ELMO1: variants seen among roughly 807,000 people sequenced by gnomAD.
The protein encoded by ELMO1 is engulfment and cell motility protein 1.
A neutral mutation model predicts 98.9 loss-of-function variants in ELMO1; 26 were observed. The ratio of observed to expected loss-of-function variants is 0.26; its 90% CI spans 0.19 to 0.36. The LOEUF (loss-of-function observed/expected upper bound fraction) is 0.36. ELMO1 is among the 10% of genes least tolerant of loss of function. The pLI, the probability that ELMO1 is intolerant of heterozygous loss-of-function variation, is 1.00. For missense variants in ELMO1, 627 were observed against 935.2 expected (o/e 0.67, Z 4.30); for synonymous variants, 346 against 346.0 (o/e 1.00, Z 0.00).
intron 16 of ELMO1, among the ~76,000 whole-genome samples, chr7:36,926,629 T>C (rs907241744): frequency 1.3e-5 from 2 of 152,094 alleles, no homozygotes; most frequent in Non-Finnish European, 2.9e-5. Context: ...AGGAAGAGGA[T>C]AGAAAGAAAA....
chr7:37,383,958 A>G (rs575208608), intron 1 of ELMO1, among the ~76,000 whole-genome samples: 13 of 152,032 alleles, frequency 8.6e-5, no homozygotes, highest in East Asian at 5.8e-4. Flanking sequence ...TGGGACTACA[A>G]GCGCCCGCCA....
intron 1 of ELMO1, among the ~76,000 whole-genome samples, chr7:37,358,022 G>A (rs1474019592): frequency 6.6e-6 from 1 of 152,190 alleles, no homozygotes; most frequent in Non-Finnish European, 1.5e-5. Flanking sequence ...TCCTAGGGTT[G>A]CTGATCTGCT....
chr7:37,377,536 CAGAGCAGGTCA>C (rs1802403261), intron 1 of ELMO1, among the ~76,000 whole-genome samples: 1 of 152,080 alleles, frequency 6.6e-6, no homozygotes. Context: ...CTCTGGTAGA[CAGAGCAGGTCA>C]CTGGGGAGAA....
intron 16 of ELMO1, among the ~76,000 whole-genome samples, chr7:36,938,682 G>A (rs1407204545): frequency 6.6e-6 from 1 of 152,172 alleles, no homozygotes; most frequent in Non-Finnish European, 1.5e-5. Context: ...GCCAACTCCT[G>A]ATGCATGAGC....
chr7:37,290,729 T>G (rs992004156), intron 4 of ELMO1, among the ~76,000 whole-genome samples: 1 of 152,220 alleles, frequency 6.6e-6, no homozygotes, highest in African/African-American at 2.4e-5. Context: ...TCTTAGAGAA[T>G]GCAAATTTTT....
chr7:37,395,476 C>A (rs1195819982), intron 1 of ELMO1, among the ~76,000 whole-genome samples: 1 of 151,972 alleles, frequency 6.6e-6, no homozygotes, highest in African/African-American at 2.4e-5. Flanking sequence ...ATTGGGGCAG[C>A]CCATCATTGA....
intron 1 of ELMO1, among the ~76,000 whole-genome samples, chr7:37,368,935 T>A (rs1802005066): frequency 6.6e-6 from 1 of 152,224 alleles, no homozygotes; most frequent in Non-Finnish European, 1.5e-5. Flanking sequence ...TCTCTCCTTT[T>A]CATTGGCCTT....
At chr7:36,916,235 C>T (rs1017134186) in intron 16 of ELMO1, among the ~76,000 whole-genome samples, 1 of 152,156 alleles carries the variant, frequency 6.6e-6, no homozygotes, top group Non-Finnish European at 1.5e-5. Context: ...TTTCCTCTCT[C>T]GTCATTTCCA....
intron 13 of ELMO1, among the ~76,000 whole-genome samples, chr7:37,182,889 G>GT (rs1303082156): frequency 6.6e-5 from 10 of 152,104 alleles, no homozygotes; most frequent in African/African-American, 2.4e-4. Context: ...CTCATAGGTG[G>GT]TAAGTATACA....
chr7:37,344,422 A>G (rs1161505870), intron 1 of ELMO1, among the ~76,000 whole-genome samples: 2 of 152,218 alleles, frequency 1.3e-5, no homozygotes, highest in Non-Finnish European at 2.9e-5. Context: ...TTTCACAGCT[A>G]CATAGTAGTT....
intron 15 of ELMO1, among the ~76,000 whole-genome samples, chr7:37,061,618 G>T (rs1241294332): frequency 6.6e-6 from 1 of 152,004 alleles, no homozygotes; most frequent in African/African-American, 2.4e-5. Context: ...TTCAAGGAGG[G>T]GACACGTAAG....
intron 16 of ELMO1, among the ~76,000 whole-genome samples, chr7:36,899,941 C>A (rs1161653596): frequency 6.6e-6 from 1 of 152,034 alleles, no homozygotes; most frequent in East Asian, 1.9e-4. Context: ...AGACACTCAA[C>A]AAATGTCAGT....
At chr7:37,308,577 A>G (rs748746955) in intron 4 of ELMO1, among the ~76,000 whole-genome samples, 9 of 152,184 alleles carry the variant, frequency 5.9e-5, no homozygotes, top group Non-Finnish European at 7.3e-5. Context: ...TGTCACTGTA[A>G]CTGGTTAATT....
chr7:37,204,048 C>CAACAGGTG, intron 13 of ELMO1: 1 of 453,702 alleles, frequency 2.2e-6, no homozygotes, highest in South Asian at 1.6e-5. Context: ...AGTATTTAGC[C>CAACAGGTG]CCCGAATTCT....
chr7:36,985,125 T>A, intron 16 of ELMO1: 4 of 985,262 alleles, frequency 4.1e-6, no homozygotes, highest in South Asian at 9.4e-5. Flanking sequence ...GAAAATTTCA[T>A]CACCAGTGTC....
chr7:37,333,576 G>A (rs1015520121), intron 2 of ELMO1, among the ~76,000 whole-genome samples: 1 of 152,168 alleles, frequency 6.6e-6, no homozygotes, highest in African/African-American at 2.4e-5. Context: ...TGTTTGCTGT[G>A]TTTTTCTTCA....
At chr7:37,409,096 G>T (rs1027415654) in intron 1 of ELMO1, among the ~76,000 whole-genome samples, 1 of 148,040 alleles carries the variant, frequency 6.8e-6, no homozygotes, top group African/African-American at 2.5e-5. Flanking sequence ...GCAGAAAGGT[G>T]ATCCGGAAGC....
At chr7:37,030,394 T>C (rs1297303009) in intron 15 of ELMO1, among the ~76,000 whole-genome samples, 1 of 152,148 alleles carries the variant, frequency 6.6e-6, no homozygotes, top group African/African-American at 2.4e-5. Flanking sequence ...TCTGAAACTT[T>C]CATTTTATAA....
At chr7:36,980,376 G>A (rs1047004321) in intron 16 of ELMO1, among the ~76,000 whole-genome samples, 19 of 152,182 alleles carry the variant, frequency 1.2e-4, no homozygotes, top group African/African-American at 4.1e-4. Flanking sequence ...TGGAAAGACC[G>A]TTATTTTCAA....
Sources: gnomAD v4.1 joint callset for allele counts (sites outside exome capture counted in the v4.1 genomes callset) on GRCh38, gnomAD v4.1.1 for gene constraint, MANE v1.5 for transcripts, NCBI Gene and HGNC (gene_info 2026-07-23, HGNC 2026-07-21) for gene names.